The following ZFHX3 variants were observed in gnomAD, a reference collection of about 807,000 sequenced individuals.
The protein encoded by ZFHX3 is zinc finger homeobox 3.
In ZFHX3, 42 loss-of-function variants were observed where a neutral mutation model predicts 279.1. The observed-to-expected ratio is 0.15, with a 90% CI of 0.12 to 0.19. The LOEUF (loss-of-function observed/expected upper bound fraction) is 0.19. ZFHX3 is among the 10% of genes least tolerant of loss of function. The probability of loss-of-function intolerance (pLI) is 1.00; values close to 1 mark genes in which losing one functional copy is unlikely to be tolerated. For missense variants in ZFHX3, 4,981 were observed against 4,754.0 expected, an observed-to-expected ratio of 1.05 and a Z score of -1.40; for synonymous variants, 2,293 against 1,957.8, an observed-to-expected ratio of 1.17 and a Z score of -4.52.
At chr16:73,036,432 GT>G (rs1218689968) in intron 1 of ZFHX3, among the ~76,000 whole-genome samples, 1 of 152,178 alleles carries the variant, frequency 6.6e-6, no homozygotes, top group African/African-American at 2.4e-5. Context: ...GGGAAAAGGA[GT>G]TTAGGAAGAA....
intron 4 of ZFHX3, among the ~76,000 whole-genome samples, chr16:73,312,202 G>A (rs1457709984): frequency 6.6e-6 from 1 of 152,182 alleles, no homozygotes; most frequent in Non-Finnish European, 1.5e-5. Context: ...AAAGGATGAA[G>A]GAGGTTGGGA....
At chr16:73,842,383 C>T (rs1002864833) in intron 1 of ZFHX3, among the ~76,000 whole-genome samples, 1 of 151,926 alleles carries the variant, frequency 6.6e-6, no homozygotes, top group African/African-American at 2.4e-5. Flanking sequence ...AAGGAATTAC[C>T]CCCCAGCCTT....
chr16:73,696,777 A>C (rs1269645975), intron 1 of ZFHX3, among the ~76,000 whole-genome samples: 1 of 152,016 alleles, frequency 6.6e-6, no homozygotes, highest in East Asian at 1.9e-4. Flanking sequence ...CTTAACTTCC[A>C]TTCCATCTGC....
chr16:73,882,180 T>A (rs1262517762), intron 1 of ZFHX3, among the ~76,000 whole-genome samples: 7 of 152,104 alleles, frequency 4.6e-5, no homozygotes, highest in African/African-American at 1.4e-4. Context: ...AGTAGGACTG[T>A]TTGTCCCACA....
At chr16:73,519,987 T>C (rs958703895) in intron 2 of ZFHX3, among the ~76,000 whole-genome samples, 5 of 152,336 alleles carry the variant, frequency 3.3e-5, no homozygotes, top group Non-Finnish European at 1.5e-5. Context: ...TATGGTATTT[T>C]AATATGAGGC....
chr16:73,833,681 C>T (rs1961060825), intron 1 of ZFHX3, among the ~76,000 whole-genome samples: 1 of 151,766 alleles, frequency 6.6e-6, no homozygotes, highest in African/African-American at 2.4e-5. Flanking sequence ...TGCAGCAAAC[C>T]ACCATGGCAC....
intron 4 of ZFHX3, among the ~76,000 whole-genome samples, chr16:72,844,172 T>C (rs578080675): frequency 3.3e-4 from 50 of 152,336 alleles, no homozygotes; most frequent in African/African-American, 1.2e-3. Flanking sequence ...ACAGGGTTGC[T>C]GTCACAGCCC....
At chr16:72,899,401 C>A (rs1353923283) in intron 3 of ZFHX3, among the ~76,000 whole-genome samples, 1 of 152,182 alleles carries the variant, frequency 6.6e-6, no homozygotes, top group Non-Finnish European at 1.5e-5. Flanking sequence ...TGAAAAAGGA[C>A]ATGTTTGCTC....
At chr16:73,378,970 C>T (rs1308759615) in intron 3 of ZFHX3, among the ~76,000 whole-genome samples, 1 of 152,104 alleles carries the variant, frequency 6.6e-6, no homozygotes, top group East Asian at 1.9e-4. Flanking sequence ...GTAAAACTCT[C>T]AAGGAAGAAG....
intron 1 of ZFHX3, among the ~76,000 whole-genome samples, chr16:73,010,255 G>A (rs1963869014): frequency 6.6e-6 from 1 of 152,126 alleles, no homozygotes; most frequent in Non-Finnish European, 1.5e-5. Flanking sequence ...TGTGGGGAAG[G>A]AAACTGTGCC....
At chr16:72,901,287 A>C (rs2039028985) in intron 3 of ZFHX3, among the ~76,000 whole-genome samples, 1 of 152,194 alleles carries the variant, frequency 6.6e-6, no homozygotes, top group Admixed American at 6.5e-5. Context: ...TGCGAGAGGA[A>C]AATGCTCTTT....
At chr16:73,847,996 T>C (rs1961494573) in intron 1 of ZFHX3, among the ~76,000 whole-genome samples, 1 of 146,040 alleles carries the variant, frequency 6.8e-6, no homozygotes, top group African/African-American at 2.5e-5. Flanking sequence ...CCTGACCTCA[T>C]GATCCACCCA....
chr16:73,383,218 C>T (rs567613403), intron 3 of ZFHX3, among the ~76,000 whole-genome samples: 1 of 152,296 alleles, frequency 6.6e-6, no homozygotes, highest in Admixed American at 6.5e-5. Flanking sequence ...AACGAAGTAA[C>T]GACTTGCTTC....
intron 2 of ZFHX3, among the ~76,000 whole-genome samples, chr16:73,517,710 G>T (rs374739104): frequency 6.6e-6 from 1 of 152,254 alleles, no homozygotes; most frequent in East Asian, 1.9e-4. Flanking sequence ...GACAGTTATT[G>T]GTAGAGGGAA....
At chr16:72,890,196 G>A (rs2038736469) in intron 3 of ZFHX3, among the ~76,000 whole-genome samples, 1 of 152,200 alleles carries the variant, frequency 6.6e-6, no homozygotes, top group Non-Finnish European at 1.5e-5. Flanking sequence ...TGTGGGAGGT[G>A]ATTAGAATAT....
intron 4 of ZFHX3, among the ~76,000 whole-genome samples, chr16:72,859,773 A>G (rs1264878497): frequency 6.6e-6 from 1 of 152,126 alleles, no homozygotes; most frequent in East Asian, 1.9e-4. Context: ...AGAGGAAATG[A>G]ACAGCTGGGT....
At chr16:73,861,518 G>T (rs1306697618) in intron 1 of ZFHX3, among the ~76,000 whole-genome samples, 2 of 152,086 alleles carry the variant, frequency 1.3e-5, no homozygotes, top group Non-Finnish European at 2.9e-5. Context: ...TCCTGGAACT[G>T]AGACCCCCTA....
intron 4 of ZFHX3, chr16:73,293,804 G>C (rs1285185983): frequency 2.6e-5 from 4 of 152,182 alleles, no homozygotes; most frequent in Non-Finnish European, 4.4e-5. Context: ...AGCAGTATTG[G>C]AGTATTACTG....
rs373169704 is a variant in ZFHX3 at position 72,796,990 on chromosome 16, C to T, written c.5692G>A (p.Gly1898Arg). ...TTCGGACCGGTGTTGCCCTCTCCCC[C>T]CTCGGCGCTGTCCCTCTCTCTCTGG... ...ESQRERDSAE[G>R]GEGNTGPKET... Residue 1898 changes from glycine to arginine, a missense_variant, in exon 9 of 10, where the codon GGG becomes AGG. By Grantham distance (125) the Gly-to-Arg change is moderately radical. Coordinates refer to ENST00000268489, the MANE Select transcript of ZFHX3 (RefSeq NM_006885.4). 3 of 1,613,908 alleles carry T rather than the reference C, an allele frequency of 1.9e-6. No homozygotes were observed. Among genetic ancestry groups the T allele is most frequent in the African/African-American group, 2.7e-5 (2 of 74,860 alleles).
Sources: allele counts gnomAD v4.1 joint callset (sites outside exome capture counted in the v4.1 genomes callset), GRCh38; gene constraint gnomAD v4.1.1; transcripts MANE v1.5; gene names NCBI Gene and HGNC (gene_info 2026-07-23, HGNC 2026-07-21).